Variants in RPL28 observed in about 807,000 individuals in gnomAD.
The protein encoded by RPL28 is large ribosomal subunit protein eL28.
RPL28 carries 4 observed loss-of-function variants against 12.5 expected under a neutral mutation model. That is an observed-to-expected ratio of 0.32 (90% confidence interval 0.16 to 0.73). The LOEUF (loss-of-function observed/expected upper bound fraction) is 0.73. Among genes scored for constraint, RPL28 ranks in the 30% least tolerant of loss-of-function variants. RPL28 has a pLI of 0.66. For synonymous variants in RPL28, 91 were observed against 72.5 expected (o/e 1.26, Z -1.30); for missense variants, 214 against 197.7 (o/e 1.08, Z -0.49).
Position 55,391,096 on chromosome 19 carries a change from G to T in RPL28, c.*2764G>T, listed in dbSNP as rs917139484. ...ATACAGAAGGTCCCTGATAAAGTTA[G>T]TAGCTGCCCTCATCAGAAACCAGGC... On this transcript the variant is annotated 3_prime_UTR_variant, in exon 5 of 5. Transcript: ENST00000344063. 12 of 405,674 alleles carry T rather than the reference G, an allele frequency of 3.0e-5. No individual in the cohort carries two copies. The highest frequency in any genetic ancestry group is 1.0e-5 in the Non-Finnish European group (3 of 299,228). 25.1% of individuals were successfully genotyped at this position (405,674 alleles called of 1,614,324 possible). A position where few individuals can be genotyped will look rare whatever the true frequency, so the allele number is the denominator to read the frequency against.
chr19:55,402,310 C>A (rs12709950), intron 4 of RPL28, among the ~76,000 whole-genome samples: 104,678 of 152,188 alleles, frequency 0.69, 37,233 homozygotes, highest in African/African-American at 0.82. Context: ...TTTTATCAGA[C>A]ATCCGAAGTT....
At chr19:55,396,514 T>A (rs1221831130), downstream of RPL28, among the ~76,000 whole-genome samples, 4 of 552 alleles carry the variant, frequency 7.2e-3, no homozygotes, top group African/African-American at 0.04. Flanking sequence ...TCCCCTCCCC[T>A]CCCCACCCCT....
chr19:55,390,281 T>C lies in RPL28; in HGVS notation c.*1949T>C. 2 of 882,990 alleles carry C rather than the reference T, an allele frequency of 2.3e-6. No homozygotes were observed. Among genetic ancestry groups the C allele is most frequent in the Non-Finnish European group, 2.7e-6 (2 of 736,706 alleles). 54.7% of individuals were successfully genotyped at this position (882,990 alleles called of 1,614,324 possible). A position where few individuals can be genotyped will look rare whatever the true frequency, so the allele number is the denominator to read the frequency against. ...GTGCAATGGCGCGATCTTGGCTCAC[T>C]GCAGCCTCCACCTCCTGGGTTCAAG... On this transcript the variant is annotated 3_prime_UTR_variant, in exon 5 of 5. Coordinates refer to ENST00000344063, the MANE Select transcript of RPL28 (RefSeq NM_000991.5).
At chr19:55,398,832 G>A (rs2123302002) in intron 4 of RPL28, among the ~76,000 whole-genome samples, 1 of 152,190 alleles carries the variant, frequency 6.6e-6, no homozygotes, top group East Asian at 1.9e-4. Flanking sequence ...CTCCTGAATA[G>A]CTGAGGCTAT....
At chr19:55,397,131 C>T (rs2090029623) in intron 4 of RPL28, among the ~76,000 whole-genome samples, 1 of 152,152 alleles carries the variant, frequency 6.6e-6, no homozygotes, top group Admixed American at 6.5e-5. Context: ...CTGCCTGCCT[C>T]AGCCTCCCAA....
At position 55,387,664 on chromosome 19, in the gene RPL28, C is replaced by T; in HGVS notation, c.206-266C>T. ...GATCAGATCCTAACTGAAGCGGCAG[C>T]TTTCTGGCATGAGAAAGGAGTGTTT... On this transcript the variant is annotated intron_variant, in intron 3 of 4. Transcript: ENST00000344063. The T allele has an allele frequency of 2.2e-6, 3 of 1,389,008 alleles. 1 individual carries two copies. The highest frequency in any genetic ancestry group is 6.6e-5 in the Admixed American group (2 of 30,142). The allele number at this position is 1,389,008 out of a possible 1,614,324, so 86.0% of individuals were successfully genotyped here.
chr19:55,391,076 G>T lies in RPL28; in HGVS notation c.*2744G>T. The T allele has an allele frequency of 1.9e-6, 1 of 535,224 alleles. No individual in the cohort carries two copies. The highest frequency in any genetic ancestry group is 2.4e-6 in the Non-Finnish European group (1 of 418,092). The allele number at this position is 535,224 out of a possible 1,614,324, so 33.2% of individuals were successfully genotyped here. A position where few individuals can be genotyped will look rare whatever the true frequency, so the allele number is the denominator to read the frequency against. ...AAAGAAAAGCGTCTTGTCACATACAGAAGGTCCCTGATAAAGTTAGTAGCT... is the reference window on the plus strand; with the variant it reads ...AAAGAAAAGCGTCTTGTCACATACATAAGGTCCCTGATAAAGTTAGTAGCT... On this transcript the variant is annotated 3_prime_UTR_variant, in exon 5 of 5. Coordinates refer to ENST00000344063, the MANE Select transcript of RPL28 (RefSeq NM_000991.5).
intron 1 of RPL28, 164 bp downstream of exon 1, chr19:55,386,129 C>A: frequency 3.5e-6 from 2 of 567,174 alleles, no homozygotes; most frequent in East Asian, 2.9e-5. Flanking sequence ...CCCTCACTCT[C>A]ATTCGCCGCA....
intron 2 of RPL28, 39 bp from the exon 3 acceptor site, chr19:55,386,531 G>C: frequency 6.2e-7 from 1 of 1,600,552 alleles, no homozygotes; most frequent in South Asian, 1.1e-5. Flanking sequence ...ATGTCTCCGG[G>C]TCCCTTATTC....
In RPL28 at chr19:55,386,575, C is replaced by G. The variant is rs921550871; in HGVS notation, c.87C>G (p.Pro29=). The stretch of plus-strand genomic sequence containing the variant: ...TTGTGCCGCCTCCTTCCCAGGAGCC[C>G]AATAACTTGAAGGCCCGCAATTCCT... The part of the protein sequence containing the change: ...KRNKQTYSTE[P]NNLKARNSFR... Residue 29 remains proline, a synonymous_variant, in exon 3 of 5, where the codon CCC becomes CCG. Transcript: ENST00000344063. 1.9e-6 allele frequency: 3 copies of G among 1,606,646 alleles called. No individual in the cohort carries two copies. Among genetic ancestry groups the G allele is most frequent in the Admixed American group, 1.7e-5 (1 of 59,784 alleles).
Position 55,389,217 on chromosome 19 carries a change from T to TGG in RPL28, c.*886_*887insGG. 1.1e-6 allele frequency: 1 copy of TGG among 934,808 alleles called. No individual in the cohort carries two copies. The highest frequency in any genetic ancestry group is 1.3e-6 in the Non-Finnish European group (1 of 783,818). The allele number at this position is 934,808 out of a possible 1,614,324, so 57.9% of individuals were successfully genotyped here. On this transcript the variant is annotated 3_prime_UTR_variant, in exon 5 of 5. Transcript: ENST00000344063. The stretch of plus-strand genomic sequence containing the variant: ...AAATAAAATTAGCTGGGTGTGGTGG[T>TGG]GCACCGCCTGTGGTCCCAGCTCCTC...
Position 55,390,001 on chromosome 19 carries a change from T to G in RPL28, c.*1669T>G, listed in dbSNP as rs2089975336. The G allele has an allele frequency of 3.0e-6, 3 of 985,410 alleles. No individual in the cohort carries two copies. The highest frequency in any genetic ancestry group is 1.2e-4 in the Admixed American group (2 of 16,262). 61.0% of individuals were successfully genotyped at this position (985,410 alleles called of 1,614,324 possible). On this transcript the variant is annotated 3_prime_UTR_variant, in exon 5 of 5. Coordinates refer to ENST00000344063, the MANE Select transcript of RPL28 (RefSeq NM_000991.5). ...ACTGCTCACGTTAGTAGATGGCCCCTTCTCGTGAGGCCTCTCCCCTGGCAC... is the reference window on the plus strand; with the variant it reads ...ACTGCTCACGTTAGTAGATGGCCCCGTCTCGTGAGGCCTCTCCCCTGGCAC...
At chr19:55,387,396 C>G (rs1282121536) in intron 3 of RPL28, 1 of 1,549,870 alleles carries the variant, frequency 6.5e-7, no homozygotes, top group Admixed American at 2.0e-5. Flanking sequence ...GTCTCAGGGA[C>G]ACGTAGTCCA....
downstream of RPL28, among the ~76,000 whole-genome samples, chr19:55,396,100 A>T (rs1242699827): frequency 6.6e-6 from 1 of 151,672 alleles, no homozygotes; most frequent in African/African-American, 2.4e-5. Context: ...CAACACAGTG[A>T]AATTCCATCT....
Position 55,386,666 on chromosome 19 carries a change from G to A in RPL28, c.178G>A (p.Val60Ile), listed in dbSNP as rs1290849334. 3.1e-6 allele frequency: 5 copies of A among 1,614,048 alleles called. No individual in the cohort carries two copies. Among genetic ancestry groups the A allele is most frequent in the Non-Finnish European group, 4.2e-6 (5 of 1,180,018 alleles). ...GGAGCCGGCAGCCGACGGCAAAGGT[G>A]TCGTGGTGGTCATTAAGCGGAGATC... ...GVEPAADGKG[V>I]VVVIKRRSGQ... Residue 60 changes from valine to isoleucine, a missense_variant, in exon 3 of 5, where the codon GTC becomes ATC. Physicochemically the swap from Val to Ile is conservative, Grantham distance 29 (BLOSUM62 3). Transcript: ENST00000344063.
Position 55,390,885 on chromosome 19 carries a change from A to G in RPL28, c.*2553A>G, listed in dbSNP as rs527287057. ...TTCCCTCCTCTAGACCTCATCTTGG[A>G]GAGAGAGATGTTGGATGGGGCCATC... On this transcript the variant is annotated 3_prime_UTR_variant, in exon 5 of 5. Coordinates refer to ENST00000344063, the MANE Select transcript of RPL28 (RefSeq NM_000991.5). The G allele has an allele frequency of 1.4e-5, 14 of 984,798 alleles. No homozygotes were observed. The African/African-American group carries it at 1.9e-4, about 14-fold the overall frequency. The allele number at this position is 984,798 out of a possible 1,614,324, so 61.0% of individuals were successfully genotyped here.
intron 4 of RPL28, 65 bp from the exon 5 acceptor site, chr19:55,388,178 C>T (rs1247738428): frequency 6.5e-7 from 1 of 1,531,200 alleles, no homozygotes; most frequent in Non-Finnish European, 8.8e-7. Context: ...CCACACCCAG[C>T]ATTGGCCTAG....
chr19:55,394,330 G>T (rs1034292392), downstream of RPL28, among the ~76,000 whole-genome samples: 8 of 152,148 alleles, frequency 5.3e-5, no homozygotes, highest in African/African-American at 9.7e-5. Flanking sequence ...CACAATCTCG[G>T]CTCACTGCAG....
intron 3 of RPL28, chr19:55,387,618 C>A: frequency 7.2e-7 from 1 of 1,394,364 alleles, no homozygotes; most frequent in Non-Finnish European, 9.3e-7. Flanking sequence ...TTGCCAGGAG[C>A]GTGGGCTCTG....
Sources: allele counts gnomAD v4.1 joint callset (sites outside exome capture counted in the v4.1 genomes callset), GRCh38; gene constraint gnomAD v4.1.1; transcripts MANE v1.5; gene names NCBI Gene and HGNC (gene_info 2026-07-23, HGNC 2026-07-21).